The following TMEM164 variants were observed in gnomAD, a reference collection of about 807,000 sequenced individuals.
The protein encoded by TMEM164 is transmembrane protein 164, also known as RP13-360B22.2.
Under a neutral mutation model 18.8 loss-of-function variants are expected in TMEM164, and 4 were observed. The observed-to-expected ratio is 0.21, with a 90% CI of 0.10 to 0.49. The LOEUF (loss-of-function observed/expected upper bound fraction) is 0.49. Among genes scored for constraint, TMEM164 ranks in the 20% least tolerant of loss-of-function variants. The pLI is 0.98. For missense variants in TMEM164, 108 were observed against 239.9 expected (o/e 0.45, Z 3.63); for synonymous variants, 86 against 101.7 (o/e 0.85, Z 0.93).
intron 2 of TMEM164, among the ~76,000 whole-genome samples, chrX:110,038,204 G>T (rs1934925628): frequency 9.1e-6 from 1 of 110,102 alleles, no homozygotes; most frequent in Non-Finnish European, 1.9e-5. Context: ...TTTTAGCCGG[G>T]ATGGTCTCGA....
intron 5 of TMEM164, among the ~76,000 whole-genome samples, chrX:110,150,175 G>A (rs1175758969): frequency 8.9e-6 from 1 of 112,424 alleles, no homozygotes; most frequent in African/African-American, 3.2e-5. Context: ...GTTTGGAGGA[G>A]AGTTCCCTGA....
At chrX:110,053,557 C>T (rs1255469589) in intron 2 of TMEM164, among the ~76,000 whole-genome samples, 1 of 111,853 alleles carries the variant, frequency 8.9e-6, no homozygotes, top group Non-Finnish European at 1.9e-5. Context: ...ATCATAAAAA[C>T]CCCAACTTTG....
At chrX:110,079,368 A>G (rs1436763424) in intron 3 of TMEM164, among the ~76,000 whole-genome samples, 1 of 111,996 alleles carries the variant, frequency 8.9e-6, no homozygotes, top group Non-Finnish European at 1.9e-5. Flanking sequence ...AAATGTGTTG[A>G]GCATCCCCAA....
intron 4 of TMEM164, among the ~76,000 whole-genome samples, chrX:110,113,200 T>C (rs2066316040): frequency 8.9e-6 from 1 of 112,656 alleles, no homozygotes; most frequent in Non-Finnish European, 1.9e-5. Context: ...GAAACTTCTT[T>C]GTTGGGCTGT....
At chrX:110,098,950 ATTTTTT>A (rs772519388) in intron 3 of TMEM164, among the ~76,000 whole-genome samples, 3 of 85,095 alleles carry the variant, frequency 3.5e-5, no homozygotes, top group Non-Finnish European at 6.9e-5. Flanking sequence ...CACCCGGCTA[ATTTTTT>A]TTTTTTTTTT....
chrX:110,080,605 A>G (rs760932808), intron 3 of TMEM164, among the ~76,000 whole-genome samples: 3 of 112,311 alleles, frequency 2.7e-5, no homozygotes, highest in East Asian at 5.6e-4. Flanking sequence ...TAATTTTGCT[A>G]TTTTAGGAAT....
intron 3 of TMEM164, among the ~76,000 whole-genome samples, chrX:110,076,791 T>C (rs751841240): frequency 1.7e-4 from 19 of 112,502 alleles, no homozygotes; most frequent in Non-Finnish European, 3.2e-4. Flanking sequence ...TATTGATTTC[T>C]ATTTTTATTC....
chrX:110,086,582 ATATATATATGTATATATG>A (rs1199709007), intron 3 of TMEM164, among the ~76,000 whole-genome samples: 2 of 104,267 alleles, frequency 1.9e-5, no homozygotes, highest in East Asian at 5.9e-4. Flanking sequence ...AAAAAATTTT[ATATATATATGTATATATG>A]TGTATATATG....
chrX:110,099,284 AT>A lies in TMEM164; in HGVS notation c.441-9786del, dbSNP rs1213643189. ...TCATTTTGATTAATGTCAGTTTATCATTTTTTTTTTCTTTTATGTATTGTGT... is the reference window on the plus strand; with the variant it reads ...TCATTTTGATTAATGTCAGTTTATCATTTTTTTTTCTTTTATGTATTGTGT... On this transcript the variant is annotated intron_variant, in intron 3 of 6. Coordinates refer to ENST00000372068, the MANE Select transcript of TMEM164 (RefSeq NM_032227.4). Among the ~76,000 whole-genome samples the A allele has an allele frequency of 1.9e-3, 203 of 104,867 alleles. No individual in the cohort carries two copies. In the Middle Eastern group the frequency reaches 0.021, roughly 11 times the overall value. 91.1% of individuals were successfully genotyped at this position (104,867 alleles called of 115,157 possible). A position where few individuals can be genotyped will look rare whatever the true frequency, so the allele number is the denominator to read the frequency against.
intron 3 of TMEM164, among the ~76,000 whole-genome samples, chrX:110,074,052 A>G (rs746896664): frequency 1.2e-4 from 13 of 110,046 alleles, no homozygotes; most frequent in Non-Finnish European, 2.1e-4. Flanking sequence ...TCATTTTTGT[A>G]TTTTTAGTAG....
intron 2 of TMEM164, among the ~76,000 whole-genome samples, chrX:110,044,466 G>T (rs976245079): frequency 9.1e-6 from 1 of 109,378 alleles, no homozygotes; most frequent in South Asian, 4.0e-4. Flanking sequence ...TTGAGACAAG[G>T]TCTTGTTCTG....
intron 2 of TMEM164, among the ~76,000 whole-genome samples, chrX:110,021,864 G>C (rs1332438243): frequency 8.9e-6 from 1 of 111,985 alleles, no homozygotes; most frequent in Non-Finnish European, 1.9e-5. Context: ...GAATAGTCTG[G>C]TGAGTGACTG....
intron 5 of TMEM164, among the ~76,000 whole-genome samples, chrX:110,155,437 A>T (rs886815215): frequency 9.0e-6 from 1 of 110,699 alleles, no homozygotes; most frequent in Non-Finnish European, 1.9e-5. Flanking sequence ...TGTCTTGGTT[A>T]GTGGCTCTAC....
At chrX:110,108,265 A>G (rs1358095513) in intron 3 of TMEM164, among the ~76,000 whole-genome samples, 1 of 110,111 alleles carries the variant, frequency 9.1e-6, no homozygotes, top group African/African-American at 3.3e-5. Context: ...CTTAGTAGTA[A>G]AGAACCATTT....
chrX:110,118,696 A>C (rs549885701), intron 4 of TMEM164, among the ~76,000 whole-genome samples: 8 of 111,254 alleles, frequency 7.2e-5, no homozygotes, highest in African/African-American at 2.6e-4. Context: ...ACCTTTGCCA[A>C]AGTACCACCT....
At chrX:110,013,356 C>T (rs907535593) in intron 2 of TMEM164, among the ~76,000 whole-genome samples, 2 of 111,940 alleles carry the variant, frequency 1.8e-5, no homozygotes, top group Admixed American at 1.9e-4. Flanking sequence ...CCTGGGTAAA[C>T]ACTTATTAGA....
chrX:110,086,674 A>ATGTGTG (rs369953183), intron 3 of TMEM164, among the ~76,000 whole-genome samples: 1 of 90,459 alleles, frequency 1.1e-5, no homozygotes, highest in African/African-American at 5.4e-5. Flanking sequence ...GTGTGTATAT[A>ATGTGTG]TGTGTGTGTG....
chrX:110,070,800 A>G (rs1339632920), intron 3 of TMEM164, among the ~76,000 whole-genome samples: 1 of 111,802 alleles, frequency 8.9e-6, no homozygotes, highest in Non-Finnish European at 1.9e-5. Flanking sequence ...ACCACGCCGT[A>G]ATGAGTGGAA....
At chrX:110,099,519 G>C (rs1602622297) in intron 3 of TMEM164, among the ~76,000 whole-genome samples, 1 of 112,311 alleles carries the variant, frequency 8.9e-6, no homozygotes, top group African/African-American at 3.2e-5. Context: ...AAAATCAAAT[G>C]ATTATATTTG....
Sources: gnomAD v4.1 joint callset for allele counts (sites outside exome capture counted in the v4.1 genomes callset) on GRCh38, gnomAD v4.1.1 for gene constraint, MANE v1.5 for transcripts, NCBI Gene and HGNC (gene_info 2026-07-23, HGNC 2026-07-21) for gene names.